The following HVCN1 variants were observed in gnomAD, a reference collection of about 807,000 sequenced individuals.
HVCN1 encodes the protein hydrogen voltage gated channel 1.
Under a neutral mutation model 29.2 loss-of-function variants are expected in HVCN1, and 14 were observed. The ratio of observed to expected loss-of-function variants is 0.48; its 90% confidence interval spans 0.32 to 0.75. The LOEUF is 0.75. Ranked by LOEUF, HVCN1 falls within the 30% of genes least tolerant of loss-of-function variation. The pLI is 0.04. For synonymous variants in HVCN1, 131 were observed against 133.2 expected, an observed-to-expected ratio of 0.98 and a Z score of 0.11; for missense variants, 263 against 341.8, an observed-to-expected ratio of 0.77 and a Z score of 1.82.
chr12:110,673,472 G>A (rs2068648888), intron 3 of HVCN1, among the ~76,000 whole-genome samples: 1 of 152,186 alleles, frequency 6.6e-6, no homozygotes, highest in South Asian at 2.1e-4. Flanking sequence ...AGAAATTCAA[G>A]CCAGCTACAG....
chr12:110,650,758 A>G (rs971798174), intron 6 of HVCN1, among the ~76,000 whole-genome samples: 1 of 150,490 alleles, frequency 6.6e-6, no homozygotes, highest in African/African-American at 2.5e-5. Context: ...GCAGTGCACA[A>G]TCTTGGCTTA....
intron 3 of HVCN1, among the ~76,000 whole-genome samples, chr12:110,663,587 CAAAAAAAAAAAAAA>C (rs1182792368): frequency 3.9e-5 from 1 of 25,808 alleles, no homozygotes; most frequent in East Asian, 1.7e-3. Context: ...GACGCTGTCT[CAAAAAAAAAAAAAA>C]AAAAAAAAAA....
chr12:110,649,583 G>C (rs2067688334), intron 7 of HVCN1, 108 bp from the exon 8 acceptor site: 7 of 800,738 alleles, frequency 8.7e-6, no homozygotes, highest in Non-Finnish European at 1.5e-5. Flanking sequence ...ATGAATGAAA[G>C]CTACGCTGTT....
chr12:110,661,457 C>T lies in HVCN1; in HGVS notation c.22-9G>A, dbSNP rs765214476. The T allele has an allele frequency of 1.7e-5, 27 of 1,612,234 alleles. No homozygotes were observed. Among genetic ancestry groups the T allele is most frequent in the East Asian group, 6.7e-5 (3 of 44,888 alleles). On this transcript the variant is annotated splice_polypyrimidine_tract_variant and intron_variant, in intron 3 of 7. Coordinates refer to ENST00000242607, the MANE Select transcript of HVCN1 (RefSeq NM_032369.4). This position sits in a 1 kb window ranked among gnomAD's most constrained non-coding sequence, Gnocchi z 6.2. ...GCCCTGCGGGTGACTGCCTAGAAGG[C>T]GGGGACAGAGAGCAAGAGCTTCAGG...
chr12:110,697,677 G>T, intron 2 of HVCN1, among the ~76,000 whole-genome samples: 1 of 146,500 alleles, frequency 6.8e-6, no homozygotes, highest in East Asian at 2.0e-4. Context: ...TTGAGATGGA[G>T]TCTTGCTATG....
rs200828154 is a variant in HVCN1 at position 110,661,360 on chromosome 12, G to C, written c.110C>G (p.Ala37Gly). 1 of 1,614,160 alleles carries C rather than the reference G, an allele frequency of 6.2e-7. No homozygotes were observed. Among genetic ancestry groups the C allele is most frequent in the East Asian group, 2.2e-5 (1 of 44,882 alleles). Residue 37 changes from alanine to glycine, a missense_variant, in exon 4 of 8, where the codon GCC (alanine) becomes GGC (glycine). This residue lies in a region of HVCN1 where 157 missense variants were observed against 181.3 expected (regional missense o/e 0.87). Coordinates refer to ENST00000242607, the MANE Select transcript of HVCN1 (RefSeq NM_032369.4). The surrounding 1 kb of genome is among the most constrained non-coding windows in gnomAD (Gnocchi z 6.2). Reference sequence around the variant, plus strand: ...CCATTTCTTGTAGTTGATGTTCCAGGCATGGTAGTCGTCTCCCACGACCGT... The same window carrying C: ...CCATTTCTTGTAGTTGATGTTCCAGCCATGGTAGTCGTCTCCCACGACCGT... ...HFTVVGDDYH[A>G]WNINYKKWEN...
Position 110,649,215 on chromosome 12 carries a change from G to A in HVCN1, c.*195C>T, listed in dbSNP as rs1256376042. 3.0e-6 allele frequency: 2 copies of A among 675,458 alleles called. No homozygotes were observed. The highest frequency in any genetic ancestry group is 3.6e-5 in the African/African-American group (2 of 55,688). 41.8% of individuals were successfully genotyped at this position (675,458 alleles called of 1,614,324 possible). ...GATACATTTGATACAGTGTGGGGTGGGAGTGGATGGGCAGCTCTTGGTGGT... is the reference window on the plus strand; with the variant it reads ...GATACATTTGATACAGTGTGGGGTGAGAGTGGATGGGCAGCTCTTGGTGGT... On this transcript the variant is annotated 3_prime_UTR_variant, in exon 8 of 8. Coordinates refer to ENST00000242607, the MANE Select transcript of HVCN1 (RefSeq NM_032369.4).
At chr12:110,683,855 A>C (rs1194334393) in intron 2 of HVCN1, among the ~76,000 whole-genome samples, 1 of 150,874 alleles carries the variant, frequency 6.6e-6, no homozygotes, top group East Asian at 1.9e-4. Flanking sequence ...AGGTTGCAGT[A>C]AGCCGAGATC....
At chr12:110,655,137 C>T in intron 5 of HVCN1, 97 bp downstream of exon 5, 1 of 833,884 alleles carries the variant, frequency 1.2e-6, no homozygotes, top group Non-Finnish European at 2.1e-6. Context: ...CTTGCTACTC[C>T]AAGTGGGGTG....
chr12:110,676,796 A>C lies in HVCN1; in HGVS notation c.21+6429T>G, dbSNP rs576762408. ...TTTTCCCTTTACTGATTTTAATTTC[A>C]ATCCTTTTGTGGCAATTAATCTGAG... is the stretch of plus-strand genomic sequence containing the variant. On this transcript the variant is annotated intron_variant, in intron 3 of 7. Transcript: ENST00000242607. The surrounding 1 kb of genome is among the most constrained non-coding windows in gnomAD (Gnocchi z 4.1). 6.6e-6 allele frequency among the ~76,000 whole-genome samples: 1 copy of C among 152,122 alleles called. No homozygotes were observed. Among genetic ancestry groups the C allele is most frequent in the African/African-American group, 2.4e-5 (1 of 41,498 alleles).
chr12:110,661,514 G>A lies in HVCN1; in HGVS notation c.22-66C>T, dbSNP rs2068171780. 1 of 1,496,318 alleles carries A rather than the reference G, an allele frequency of 6.7e-7. No homozygotes were observed. Among genetic ancestry groups the A allele is most frequent in the Non-Finnish European group, 9.1e-7 (1 of 1,094,860 alleles). 92.7% of individuals were successfully genotyped at this position (1,496,318 alleles called of 1,614,324 possible). The stretch of plus-strand genomic sequence containing the variant: ...GCCACTCAGAGCCCACATGGCCCAG[G>A]CCGGGCCAGGCCACTGCAGGTGAAG... On this transcript the variant is annotated intron_variant, in intron 3 of 7. Coordinates refer to ENST00000242607, the MANE Select transcript of HVCN1 (RefSeq NM_032369.4). The surrounding 1 kb of genome is among the most constrained non-coding windows in gnomAD (Gnocchi z 6.2).
In HVCN1 at chr12:110,697,103, C is replaced by T. The variant is rs372007195; in HGVS notation, c.-104+5206G>A. ...TGGTGCCCTCCATCAAGCAGAGAAGCCTGGGAGGGGGCCAGGTGGAGGATG... is the reference window on the plus strand; with the variant it reads ...TGGTGCCCTCCATCAAGCAGAGAAGTCTGGGAGGGGGCCAGGTGGAGGATG... On this transcript the variant is annotated intron_variant, in intron 2 of 4. Coordinates refer to the HVCN1 transcript ENST00000546713. Among the ~76,000 whole-genome samples, 3 of 151,816 alleles carry T rather than the reference C, an allele frequency of 2.0e-5. No homozygotes were observed. In the East Asian group the frequency reaches 5.8e-4, roughly 29 times the overall value.
rs1441478219 is a variant in HVCN1 at position 110,659,442 on chromosome 12, T to C, written c.306+1722A>G. 3.9e-5 allele frequency among the ~76,000 whole-genome samples: 6 copies of C among 152,212 alleles called. 1 individual carries two copies. Among genetic ancestry groups the C allele is most frequent in the Admixed American group, 3.9e-4 (6 of 15,282 alleles). ...CTATTTTGTTTGGGGACACCTGCAA[T>C]AGCATCCCCTAAATGCCCACCTTTG... On this transcript the variant is annotated intron_variant, in intron 4 of 7. Coordinates refer to ENST00000242607, the MANE Select transcript of HVCN1 (RefSeq NM_032369.4).
At chr12:110,689,271 C>T (rs927356881), upstream of HVCN1, 12 of 152,348 alleles carry the variant, frequency 7.9e-5, no homozygotes, top group African/African-American at 2.6e-4. This position sits in a 1 kb window ranked among gnomAD's most constrained non-coding sequence, Gnocchi z 5.7. Context: ...GTCTTAGTCC[C>T]CTTGTCCCTG....
intron 4 of HVCN1, among the ~76,000 whole-genome samples, chr12:110,660,389 T>C (rs1373662917): frequency 1.3e-5 from 2 of 152,160 alleles, no homozygotes; most frequent in Non-Finnish European, 1.5e-5. Context: ...CTATCAGCAG[T>C]GGGCTAAGGC....
chr12:110,657,688 A>C (rs1180809229), intron 4 of HVCN1, among the ~76,000 whole-genome samples: 2 of 152,208 alleles, frequency 1.3e-5, no homozygotes, highest in African/African-American at 4.8e-5. Context: ...ACCTAAGGTC[A>C]CAAAACTACG....
intron 3 of HVCN1, among the ~76,000 whole-genome samples, chr12:110,673,426 A>T (rs950587563): frequency 6.6e-6 from 1 of 152,232 alleles, no homozygotes; most frequent in African/African-American, 2.4e-5. Flanking sequence ...TTGCAGCCTG[A>T]TGATGTGATA....
chr12:110,696,540 C>A (rs2069494535), intron 2 of HVCN1, among the ~76,000 whole-genome samples: 1 of 151,842 alleles, frequency 6.6e-6, no homozygotes, highest in African/African-American at 2.4e-5. Flanking sequence ...CATAGCAAGA[C>A]CCCATCTCTA....
chr12:110,691,040 A>G (rs1037006406), upstream of HVCN1, among the ~76,000 whole-genome samples: 1 of 143,830 alleles, frequency 7.0e-6, no homozygotes, highest in African/African-American at 2.6e-5. Flanking sequence ...CAGGCGTGAA[A>G]CACCATGCCT....
Sources: allele counts gnomAD v4.1 joint callset (sites outside exome capture counted in the v4.1 genomes callset), GRCh38; gene constraint gnomAD v4.1.1; regional missense constraint gnomAD v4.1.1; non-coding constraint Gnocchi (gnomAD v3.1); transcripts MANE v1.5; gene names NCBI Gene and HGNC (gene_info 2026-07-23, HGNC 2026-07-21).